Variants in EDN1 observed in about 807,000 individuals in gnomAD.
The protein encoded by EDN1 is endothelin-1.
EDN1 carries 11 observed loss-of-function variants against 21.7 expected under a neutral mutation model. That is an observed-to-expected ratio of 0.51 (90% CI 0.32 to 0.84). The LOEUF is 0.84. Ranked by LOEUF, EDN1 falls within the 40% of genes least tolerant of loss-of-function variation. The pLI is 0.03. For missense variants in EDN1, 244 were observed against 262.3 expected (o/e 0.93, Z 0.48); for synonymous variants, 85 against 90.6 (o/e 0.94, Z 0.35).
the EDN1 span, among the ~76,000 whole-genome samples, chr6:12,270,669 T>G: frequency 6.6e-6 from 1 of 152,224 alleles, no homozygotes; most frequent in Admixed American, 6.5e-5. Context: ...AAAAATTTTT[T>G]TTGACACTTG....
At chr6:12,233,212 C>T in the EDN1 span, among the ~76,000 whole-genome samples, 1 of 152,204 alleles carries the variant, frequency 6.6e-6, no homozygotes, top group Non-Finnish European at 1.5e-5. Flanking sequence ...CCCTTCCTAG[C>T]TCTGTCCTCC....
the EDN1 span, among the ~76,000 whole-genome samples, chr6:12,251,946 T>G: frequency 3.9e-5 from 6 of 152,210 alleles, no homozygotes; most frequent in African/African-American, 1.4e-4. Context: ...TGAGCTTGAC[T>G]CATATCTCCT....
At chr6:12,255,476 T>C in the EDN1 span, among the ~76,000 whole-genome samples, 1 of 151,672 alleles carries the variant, frequency 6.6e-6, no homozygotes, top group Admixed American at 6.6e-5. Context: ...AGAGGTACTC[T>C]CTCTCATTAA....
chr6:12,291,825 T>TG (rs1762689276), intron 1 of EDN1, among the ~76,000 whole-genome samples: 1 of 152,254 alleles, frequency 6.6e-6, no homozygotes, highest in African/African-American at 2.4e-5. Flanking sequence ...ATACATCATC[T>TG]GGGGTACCCT....
the EDN1 span, among the ~76,000 whole-genome samples, chr6:12,250,703 AT>A: frequency 6.6e-6 from 1 of 152,214 alleles, no homozygotes; most frequent in Non-Finnish European, 1.5e-5. Flanking sequence ...CTTGTCTACA[AT>A]TTTTATCGCA....
chr6:12,230,703 T>G, the EDN1 span, among the ~76,000 whole-genome samples: 1 of 152,276 alleles, frequency 6.6e-6, no homozygotes, highest in South Asian at 2.1e-4. Flanking sequence ...GTAACTCGAA[T>G]TTTTCACCAC....
At chr6:12,262,053 G>A in the EDN1 span, among the ~76,000 whole-genome samples, 1 of 152,158 alleles carries the variant, frequency 6.6e-6, no homozygotes, top group African/African-American at 2.4e-5. Flanking sequence ...ATGAACTAGG[G>A]AAGATACCTC....
At chr6:12,253,126 A>T in the EDN1 span, among the ~76,000 whole-genome samples, 2 of 152,218 alleles carry the variant, frequency 1.3e-5, no homozygotes, top group African/African-American at 2.4e-5. Context: ...ATGCTTGAAC[A>T]CATTCTATAG....
the EDN1 span, among the ~76,000 whole-genome samples, chr6:12,232,145 AGTGTTT>A: frequency 7.4e-6 from 1 of 134,304 alleles, no homozygotes; most frequent in Non-Finnish European, 1.7e-5. Context: ...AATATAATAA[AGTGTTT>A]ATATTTATAA....
chr6:12,236,628 T>C, the EDN1 span, among the ~76,000 whole-genome samples: 1 of 152,186 alleles, frequency 6.6e-6, no homozygotes, highest in Non-Finnish European at 1.5e-5. Flanking sequence ...TATAAATTCA[T>C]TTTTCCTAAA....
chr6:12,290,587 G>A lies in EDN1; in HGVS notation c.-43G>A. 1.9e-6 allele frequency: 3 copies of A among 1,555,812 alleles called. No homozygotes were observed. The highest frequency in any genetic ancestry group is 2.7e-6 in the Non-Finnish European group (3 of 1,127,236). On this transcript the variant is annotated 5_prime_UTR_variant, in exon 1 of 5. Transcript: ENST00000379375. ...AAGCTGTTTTTCTTCGTTTTCCTTT[G>A]GGTTCAGTTTGAACGGGAGGTTTTT...
chr6:12,268,993 C>T, the EDN1 span, among the ~76,000 whole-genome samples: 1 of 151,960 alleles, frequency 6.6e-6, no homozygotes, highest in East Asian at 1.9e-4. Flanking sequence ...TATTTGTGTC[C>T]TCTTCAATTC....
At chr6:12,237,496 A>G in the EDN1 span, among the ~76,000 whole-genome samples, 1 of 152,182 alleles carries the variant, frequency 6.6e-6, no homozygotes, top group East Asian at 1.9e-4. Context: ...AAATGCTTGC[A>G]TGAGAAAACA....
chr6:12,270,818 G>A, the EDN1 span, among the ~76,000 whole-genome samples: 2 of 152,182 alleles, frequency 1.3e-5, no homozygotes, highest in East Asian at 3.8e-4. Flanking sequence ...TAAATATGAT[G>A]TTTCTTTGTT....
At chr6:12,255,623 G>A in the EDN1 span, among the ~76,000 whole-genome samples, 1 of 152,342 alleles carries the variant, frequency 6.6e-6, no homozygotes, top group African/African-American at 2.4e-5. Context: ...AGTCTGAAGA[G>A]ACAAATGTCT....
the EDN1 span, among the ~76,000 whole-genome samples, chr6:12,260,222 A>G: frequency 6.6e-6 from 1 of 152,154 alleles, no homozygotes; most frequent in African/African-American, 2.4e-5. Context: ...TGATAGATTT[A>G]TGATAATAAT....
the EDN1 span, among the ~76,000 whole-genome samples, chr6:12,284,775 G>T: frequency 6.6e-6 from 1 of 151,576 alleles, no homozygotes; most frequent in Non-Finnish European, 1.5e-5. Flanking sequence ...AAGAAAGAAA[G>T]AAAGAAAGAA....
At chr6:12,288,499 A>G (rs1017644525), upstream of EDN1, among the ~76,000 whole-genome samples, 59 of 151,732 alleles carry the variant, frequency 3.9e-4, no homozygotes, top group African/African-American at 1.2e-3. Flanking sequence ...GGCTGAGGTA[A>G]GCGCACAGCG....
At chr6:12,293,848 T>A (rs563358414) in intron 2 of EDN1, 93 bp from the exon 3 acceptor site, 1 of 1,432,632 alleles carries the variant, frequency 7.0e-7, no homozygotes, top group Admixed American at 1.8e-5. Context: ...TGTGATGAGC[T>A]CCTTGTGTGC....
Sources: allele counts gnomAD v4.1 joint callset (sites outside exome capture counted in the v4.1 genomes callset), GRCh38; gene constraint gnomAD v4.1.1; transcripts MANE v1.5; gene names NCBI Gene and HGNC (gene_info 2026-07-23, HGNC 2026-07-21).